Variants in GRM5 observed in about 807,000 individuals in gnomAD.
The protein encoded by GRM5 is metabotropic glutamate receptor 5.
A neutral mutation model predicts 83.1 loss-of-function variants in GRM5; 19 were observed. The ratio of observed to expected loss-of-function variants is 0.23; its 90% CI spans 0.16 to 0.34. The LOEUF (loss-of-function observed/expected upper bound fraction) is 0.34. Among genes scored for constraint, GRM5 ranks in the 10% least tolerant of loss-of-function variants. GRM5 has a pLI of 1.00. For synonymous variants in GRM5, 675 were observed against 633.6 expected (o/e 1.07, Z -0.98); for missense variants, 1,160 against 1,588.3 (o/e 0.73, Z 4.58).
intron 4 of GRM5, among the ~76,000 whole-genome samples, chr11:88,630,496 G>T (rs957579458): frequency 2.7e-5 from 4 of 150,874 alleles, no homozygotes; most frequent in African/African-American, 9.8e-5. Flanking sequence ...CTCCAGGGTT[G>T]CCCAATGTTG....
chr11:89,064,888 CTGTGTGTGTGTGTGTGTGTGTGTGTGTG>C (rs1942065951), intron 1 of GRM5, among the ~76,000 whole-genome samples: 3 of 62,268 alleles, frequency 4.8e-5, no homozygotes, highest in South Asian at 1.7e-3. Flanking sequence ...CTCTCTCTCT[CTGTGTGTGTGTGTGTGTGTGTGTGTGTG>C]AGAGAGAGAG....
chr11:88,804,220 T>C (rs1943456594), intron 3 of GRM5, among the ~76,000 whole-genome samples: 2 of 148,168 alleles, frequency 1.3e-5, no homozygotes, highest in South Asian at 4.4e-4. Context: ...CATGCTGCTA[T>C]AAAGACACAT....
rs988326152 is a variant in GRM5, at chr11:88,505,703, C to T, written c.*2889G>A. 1.3e-5 allele frequency: 2 copies of T among 152,206 alleles called. No homozygotes were observed. The highest frequency in any genetic ancestry group is 4.8e-5 in the African/African-American group (2 of 41,442). 9.4% of individuals were successfully genotyped at this position (152,206 alleles called of 1,614,324 possible). A position where few individuals can be genotyped will look rare whatever the true frequency, so the allele number is the denominator to read the frequency against. On this transcript the variant is annotated 3_prime_UTR_variant, in exon 10 of 10. Transcript: ENST00000305447. ...TAGTCAGTATAACTTGGTTAAACCA[C>T]GTCTTCTTCTTTCCATCCTGGGACA...
At chr11:88,939,934 G>T (rs900679326) in intron 2 of GRM5, among the ~76,000 whole-genome samples, 1 of 151,842 alleles carries the variant, frequency 6.6e-6, no homozygotes, top group African/African-American at 2.4e-5. Flanking sequence ...TGGGGTGGCA[G>T]TAGTTGAAAG....
chr11:88,745,057 C>T (rs1040885020), intron 3 of GRM5, among the ~76,000 whole-genome samples: 5 of 151,766 alleles, frequency 3.3e-5, no homozygotes, highest in African/African-American at 9.7e-5. Context: ...ATAAATATAC[C>T]GTAGAATTGT....
intron 2 of GRM5, among the ~76,000 whole-genome samples, chr11:88,963,731 C>T (rs1308650413): frequency 1.3e-5 from 2 of 152,120 alleles, no homozygotes; most frequent in African/African-American, 4.8e-5. Context: ...TTATTCTATA[C>T]AATGGACTGT....
At chr11:88,517,159 A>ACT (rs1941543628) in intron 9 of GRM5, among the ~76,000 whole-genome samples, 2 of 145,826 alleles carry the variant, frequency 1.4e-5, no homozygotes, top group South Asian at 4.3e-4. Context: ...ACACACACAC[A>ACT]CACGTTTCTG....
intron 8 of GRM5, among the ~76,000 whole-genome samples, chr11:88,558,458 T>C (rs1188621704): frequency 6.6e-6 from 1 of 152,018 alleles, no homozygotes; most frequent in Non-Finnish European, 1.5e-5. Flanking sequence ...ATAGGTGGGA[T>C]TTGGAAAAGG....
intron 1 of GRM5, among the ~76,000 whole-genome samples, chr11:89,062,717 A>G (rs1294355895): frequency 6.6e-6 from 1 of 152,244 alleles, no homozygotes; most frequent in Non-Finnish European, 1.5e-5. Flanking sequence ...GGGCAGCTGT[A>G]AATTCGAGTA....
At chr11:89,022,486 C>CAAAAAAAAA (rs10573194) in intron 2 of GRM5, among the ~76,000 whole-genome samples, 1 of 126,062 alleles carries the variant, frequency 7.9e-6, no homozygotes, top group Non-Finnish European at 1.7e-5. Context: ...ACTAAAAATA[C>CAAAAAAAAA]AAAAAAAAAA....
intron 7 of GRM5, among the ~76,000 whole-genome samples, chr11:88,571,996 G>A (rs1943013221): frequency 6.6e-6 from 1 of 152,146 alleles, no homozygotes; most frequent in African/African-American, 2.4e-5. Context: ...AAATTATGAA[G>A]AAGATAGAAG....
At chr11:88,712,588 G>A (rs1194696432) in intron 3 of GRM5, among the ~76,000 whole-genome samples, 2 of 152,000 alleles carry the variant, frequency 1.3e-5, no homozygotes, top group African/African-American at 2.4e-5. Context: ...TTAAATTATA[G>A]TAGAGGCAAC....
At chr11:88,913,698 T>C (rs566021195) in intron 2 of GRM5, among the ~76,000 whole-genome samples, 13 of 150,026 alleles carry the variant, frequency 8.7e-5, no homozygotes, top group Admixed American at 7.3e-4. Context: ...GCAATCCTCC[T>C]GCCTCAGCTT....
At chr11:88,785,355 C>A (rs1412620174) in intron 3 of GRM5, among the ~76,000 whole-genome samples, 1 of 151,978 alleles carries the variant, frequency 6.6e-6, no homozygotes, top group Non-Finnish European at 1.5e-5. Flanking sequence ...ATCTTCCTCT[C>A]CAAATGCTTT....
intron 3 of GRM5, among the ~76,000 whole-genome samples, chr11:88,794,426 A>G (rs1235742674): frequency 6.6e-6 from 1 of 152,204 alleles, no homozygotes; most frequent in Non-Finnish European, 1.5e-5. Context: ...GTGAGAGTGT[A>G]GTCAGCCTGA....
intron 3 of GRM5, among the ~76,000 whole-genome samples, chr11:88,722,049 A>G (rs927707063): frequency 6.6e-6 from 1 of 152,164 alleles, no homozygotes; most frequent in African/African-American, 2.4e-5. Context: ...ACATTTCTAA[A>G]TTAATTAGCA....
At chr11:89,003,027 C>T (rs1341800479) in intron 2 of GRM5, among the ~76,000 whole-genome samples, 1 of 151,988 alleles carries the variant, frequency 6.6e-6, no homozygotes, top group African/African-American at 2.4e-5. Context: ...ACTGCACTAT[C>T]CCAAAAATTT....
chr11:88,587,176 G>C (rs1255823367), intron 7 of GRM5, among the ~76,000 whole-genome samples: 1 of 152,176 alleles, frequency 6.6e-6, no homozygotes, highest in East Asian at 1.9e-4. Context: ...AAAGGGGAAA[G>C]CAGAATTTGT....
intron 3 of GRM5, among the ~76,000 whole-genome samples, chr11:88,803,013 G>C (rs10765781): frequency 0.33 from 33,228 of 102,160 alleles, 8,148 homozygotes; most frequent in East Asian, 0.69. Context: ...GAACTACAAA[G>C]CACTGCTCAA....
Sources: gnomAD v4.1 joint callset for allele counts (sites outside exome capture counted in the v4.1 genomes callset) on GRCh38, gnomAD v4.1.1 for gene constraint, MANE v1.5 for transcripts, NCBI Gene and HGNC (gene_info 2026-07-23, HGNC 2026-07-21) for gene names.